The following IGF1 variants were observed in gnomAD, a reference collection of about 807,000 sequenced individuals.
The protein encoded by IGF1 is insulin like growth factor 1.
IGF1 carries 4 observed loss-of-function variants against 13.8 expected under a neutral mutation model. That is an observed-to-expected ratio of 0.29 (90% CI 0.14 to 0.66). IGF1 has a LOEUF of 0.66. IGF1 is among the 30% of genes least tolerant of loss of function. The probability of loss-of-function intolerance (pLI) is 0.78; values close to 1 mark genes in which losing one functional copy is unlikely to be tolerated. For missense variants in IGF1, 124 were observed against 188.5 expected, an observed-to-expected ratio of 0.66 and a Z score of 2.00; for synonymous variants, 76 against 72.6, an observed-to-expected ratio of 1.05 and a Z score of -0.23.
intron 1 of IGF1, among the ~76,000 whole-genome samples, chr12:102,479,720 CTT>C (rs1881288180): frequency 6.6e-6 from 1 of 152,112 alleles, no homozygotes; most frequent in Non-Finnish European, 1.5e-5. Flanking sequence ...TCAAGGAGTT[CTT>C]TTTTGGAAGA....
intron 2 of IGF1, among the ~76,000 whole-genome samples, chr12:102,427,731 C>T (rs1036746826): frequency 1.3e-5 from 2 of 152,134 alleles, no homozygotes; most frequent in African/African-American, 2.4e-5. Flanking sequence ...AGGGAGTAAA[C>T]TGTTGGAAGA....
chr12:102,470,309 C>G (rs1279459130), intron 2 of IGF1, among the ~76,000 whole-genome samples: 1 of 152,184 alleles, frequency 6.6e-6, no homozygotes, highest in African/African-American at 2.4e-5. Flanking sequence ...AGAGGCCATG[C>G]CCTTGGTCTT....
At chr12:102,473,540 A>G (rs1467264618) in intron 2 of IGF1, among the ~76,000 whole-genome samples, 2 of 152,256 alleles carry the variant, frequency 1.3e-5, no homozygotes, top group Admixed American at 1.3e-4. Context: ...TCGGATTAAC[A>G]TAAGTCATGG....
chr12:102,439,957 AC>A (rs1877569584), intron 2 of IGF1, among the ~76,000 whole-genome samples: 1 of 151,868 alleles, frequency 6.6e-6, no homozygotes, highest in South Asian at 2.1e-4. Context: ...AAACTTGCTG[AC>A]CCCAGGCGCT....
In IGF1 at chr12:102,430,024, C is replaced by G. The variant is rs1876598354; in HGVS notation, c.221-10334G>C. Among the ~76,000 whole-genome samples, 4 of 152,312 alleles carry G rather than the reference C, an allele frequency of 2.6e-5. No individual in the cohort carries two copies. In the South Asian group the frequency reaches 8.3e-4, roughly 32 times the overall value. On this transcript the variant is annotated intron_variant, in intron 2 of 3. Coordinates refer to ENST00000337514, the MANE Select transcript of IGF1 (RefSeq NM_000618.5). ...GGGAAGCTCCTTTGGTGCAGGGACACTGGGCCAGGATAACTGCTTGTGGGC... is the reference window on the plus strand; with the variant it reads ...GGGAAGCTCCTTTGGTGCAGGGACAGTGGGCCAGGATAACTGCTTGTGGGC...
intron 3 of IGF1, chr12:102,417,736 C>T: frequency 2.5e-6 from 4 of 1,586,810 alleles, no homozygotes; most frequent in Non-Finnish European, 3.4e-6. Context: ...TTCATTTCCT[C>T]TATTGTATTT....
At chr12:102,471,902 T>C (rs1880709189) in intron 2 of IGF1, among the ~76,000 whole-genome samples, 2 of 152,168 alleles carry the variant, frequency 1.3e-5, no homozygotes, top group African/African-American at 4.8e-5. Context: ...GTTAAAATGG[T>C]TAATCACCAT....
At chr12:102,471,560 T>C (rs2137253169) in intron 2 of IGF1, among the ~76,000 whole-genome samples, 1 of 152,332 alleles carries the variant, frequency 6.6e-6, no homozygotes, top group Middle Eastern at 3.4e-3. Flanking sequence ...CAGTCTGTTT[T>C]AACCCATGAA....
chr12:102,437,200 G>A (rs1160735164), intron 2 of IGF1, among the ~76,000 whole-genome samples: 2 of 152,222 alleles, frequency 1.3e-5, no homozygotes, highest in African/African-American at 2.4e-5. Flanking sequence ...TGGTACCTCT[G>A]TGTGGAGGGG....
chr12:102,433,885 A>G (rs955774942), intron 2 of IGF1, among the ~76,000 whole-genome samples: 6 of 152,164 alleles, frequency 3.9e-5, no homozygotes, highest in Non-Finnish European at 5.9e-5. Flanking sequence ...TTGTGAGTTA[A>G]GGCACAAAGA....
chr12:102,461,428 C>T (rs997864917), intron 2 of IGF1, among the ~76,000 whole-genome samples: 2 of 151,780 alleles, frequency 1.3e-5, no homozygotes, highest in African/African-American at 4.8e-5. Context: ...CTCTAAAATC[C>T]CAGTGGGAAC....
upstream of IGF1, among the ~76,000 whole-genome samples, chr12:102,481,349 G>C (rs11829707): frequency 0.083 from 1,075 of 12,910 alleles, 17 homozygotes; most frequent in African/African-American, 0.2. Context: ...ACTCAAACCT[G>C]TGTGTGTGTG....
chr12:102,464,615 C>T (rs955097527), intron 2 of IGF1, among the ~76,000 whole-genome samples: 2 of 151,748 alleles, frequency 1.3e-5, no homozygotes, highest in African/African-American at 4.8e-5. Flanking sequence ...AGTGTTACAA[C>T]TGCATCAAAT....
chr12:102,419,050 C>T (rs187113295), intron 3 of IGF1, among the ~76,000 whole-genome samples: 4 of 152,304 alleles, frequency 2.6e-5, no homozygotes, highest in South Asian at 2.1e-4. Flanking sequence ...CAGACATTAA[C>T]GATGGTCCAA....
At chr12:102,461,911 T>C (rs1879926539) in intron 2 of IGF1, among the ~76,000 whole-genome samples, 1 of 152,232 alleles carries the variant, frequency 6.6e-6, no homozygotes, top group Non-Finnish European at 1.5e-5. Context: ...TACTCTGTCT[T>C]ATCAAATGTG....
intron 2 of IGF1, among the ~76,000 whole-genome samples, chr12:102,466,015 C>T (rs1880284267): frequency 6.6e-6 from 1 of 151,778 alleles, no homozygotes; most frequent in African/African-American, 2.4e-5. Flanking sequence ...TAATTTGCTC[C>T]AGGTGGTCTC....
intron 2 of IGF1, among the ~76,000 whole-genome samples, chr12:102,448,927 G>A (rs867887274): frequency 1.3e-5 from 2 of 152,166 alleles, no homozygotes; most frequent in African/African-American, 2.4e-5. Flanking sequence ...TGGAGAAATA[G>A]AAATGCTTTT....
In IGF1 at chr12:102,463,282, G is replaced by A. The variant is rs183362656; in HGVS notation, c.220+12361C>T. On this transcript the variant is annotated intron_variant, in intron 2 of 3. Transcript: ENST00000337514. ...TGCCAAACTAAATATGTCTATGAAC[G>A]GCTGGAAACTTTAATGGAAAGAAAC... is the stretch of plus-strand genomic sequence containing the variant. 2.4e-3 allele frequency: 366 copies of A among 152,200 alleles called. 3 individuals carry two copies. The highest frequency in any genetic ancestry group is 8.5e-3 in the African/African-American group (351 of 41,516). 9.4% of individuals were successfully genotyped at this position (152,200 alleles called of 1,614,324 possible).
rs139381863 is a variant in IGF1, at chr12:102,435,275, G to A, written c.221-15585C>T. 7.9e-5 allele frequency among the ~76,000 whole-genome samples: 12 copies of A among 152,286 alleles called. No homozygotes were observed. In the East Asian group the frequency reaches 2.3e-3, roughly 29 times the overall value. On this transcript the variant is annotated intron_variant, in intron 2 of 3. Transcript: ENST00000337514. ...AAGAGGCACATACTCACCTCACAAG[G>A]TGCTTGTGATGCATGCATGAGTGAA... is the stretch of plus-strand genomic sequence containing the variant.
Sources: gnomAD v4.1 joint callset for allele counts (sites outside exome capture counted in the v4.1 genomes callset) on GRCh38, gnomAD v4.1.1 for gene constraint, MANE v1.5 for transcripts, NCBI Gene and HGNC (gene_info 2026-07-23, HGNC 2026-07-21) for gene names.